Variants in ZDHHC13 observed in about 807,000 individuals in gnomAD.
ZDHHC13 encodes palmitoyltransferase ZDHHC13.
Under a neutral mutation model 86.0 loss-of-function variants are expected in ZDHHC13, and 85 were observed. The observed-to-expected ratio is 0.99, with a 90% CI of 0.83 to 1.18. The LOEUF is 1.18. ZDHHC13 is among the 50% of genes most tolerant of loss of function. The pLI, the probability that ZDHHC13 is intolerant of heterozygous loss-of-function variation, is 0.00. For missense variants in ZDHHC13, 711 were observed against 730.2 expected, an observed-to-expected ratio of 0.97 and a Z score of 0.30; for synonymous variants, 263 against 246.4, an observed-to-expected ratio of 1.07 and a Z score of -0.63.
chr11:19,163,957 G>A (rs1267671134), intron 11 of ZDHHC13, among the ~76,000 whole-genome samples: 1 of 152,094 alleles, frequency 6.6e-6, no homozygotes, highest in Non-Finnish European at 1.5e-5. Context: ...CAGTTTTGAT[G>A]TATACTGGTG....
upstream of ZDHHC13, chr11:19,117,130 C>A: frequency 9.0e-7 from 1 of 1,106,992 alleles, no homozygotes; most frequent in Non-Finnish European, 1.3e-6. This position sits in a 1 kb window ranked among gnomAD's most constrained non-coding sequence, Gnocchi z 4.2. Flanking sequence ...GCGGGGACCG[C>A]AGCGGCGGAG....
intron 2 of ZDHHC13, among the ~76,000 whole-genome samples, chr11:19,144,832 T>C (rs1413535097): frequency 6.6e-6 from 1 of 152,202 alleles, no homozygotes; most frequent in African/African-American, 2.4e-5. Flanking sequence ...ATATTGCTAA[T>C]AGGCCGGGTG....
chr11:19,142,263 ACAGTTCCTTGTTATGT>A (rs1590071633), intron 1 of ZDHHC13, among the ~76,000 whole-genome samples: 1 of 152,188 alleles, frequency 6.6e-6, no homozygotes, highest in African/African-American at 2.4e-5. Context: ...AAGACTGCCC[ACAGTTCCTTGTTATGT>A]GGCTCTCTCA....
chr11:19,164,899 C>G, intron 12 of ZDHHC13, 153 bp from the exon 13 acceptor site: 1 of 626,056 alleles, frequency 1.6e-6, no homozygotes, highest in Non-Finnish European at 2.8e-6. Context: ...GAAGTAAATA[C>G]TAATAAGGCA....
intron 10 of ZDHHC13, among the ~76,000 whole-genome samples, chr11:19,162,226 C>T (rs1016695804): frequency 1.3e-5 from 2 of 152,028 alleles, no homozygotes; most frequent in African/African-American, 4.8e-5. Context: ...AGCTACTGTG[C>T]AGATCTAAAG....
rs566587147 is a variant in ZDHHC13, at chr11:19,158,208, T to TA, written c.1008-730dup. Among the ~76,000 whole-genome samples, 289 of 152,296 alleles carry TA rather than the reference T, an allele frequency of 1.9e-3. 1 individual carries two copies. Among genetic ancestry groups the TA allele is most frequent in the African/African-American group, 6.6e-3 (276 of 41,576 alleles). Reference sequence around the variant, plus strand: ...TTTTTTAACCCTTCATACCTACTGTTAATCATTGTTTTTTCCTGGAATAAA... The same window carrying TA: ...TTTTTTAACCCTTCATACCTACTGTTAAATCATTGTTTTTTCCTGGAATAAA... On this transcript the variant is annotated intron_variant, in intron 9 of 16. Transcript: ENST00000446113.
intron 1 of ZDHHC13, among the ~76,000 whole-genome samples, chr11:19,139,692 G>T (rs540176040): frequency 0.02 from 2,944 of 150,858 alleles, 90 homozygotes; most frequent in African/African-American, 0.068. Flanking sequence ...AACCAAAACA[G>T]CATGGTACTG....
intron 4 of ZDHHC13, chr11:19,148,539 A>T (rs1849528140): frequency 2.0e-5 from 3 of 152,222 alleles, no homozygotes; most frequent in Admixed American, 1.3e-4. Context: ...TTTTAAAATG[A>T]CAGTGACATC....
At chr11:19,129,312 G>C (rs1377931774) in intron 1 of ZDHHC13, among the ~76,000 whole-genome samples, 1 of 152,250 alleles carries the variant, frequency 6.6e-6, no homozygotes, top group South Asian at 2.1e-4. Context: ...GTGATAATGA[G>C]CATATTTGCT....
chr11:19,145,414 A>G (rs1849433913), intron 2 of ZDHHC13, among the ~76,000 whole-genome samples: 1 of 152,174 alleles, frequency 6.6e-6, no homozygotes, highest in African/African-American at 2.4e-5. Context: ...ATCTTTCTTA[A>G]AACTCAAAGT....
intron 3 of ZDHHC13, 97 bp downstream of exon 3, chr11:19,146,400 T>G: frequency 7.3e-7 from 1 of 1,366,950 alleles, no homozygotes; most frequent in Non-Finnish European, 9.6e-7. Context: ...CCATGTGTAA[T>G]CCTCGTGTAA....
intron 1 of ZDHHC13, among the ~76,000 whole-genome samples, chr11:19,126,960 C>T (rs925020537): frequency 1.3e-5 from 2 of 152,074 alleles, no homozygotes; most frequent in Non-Finnish European, 2.9e-5. Context: ...ATTTATAGTC[C>T]TTTGGGTATA....
chr11:19,158,493 G>A (rs1256277175), intron 9 of ZDHHC13, among the ~76,000 whole-genome samples: 2 of 152,010 alleles, frequency 1.3e-5, no homozygotes, highest in Non-Finnish European at 2.9e-5. Context: ...GCATCAGTAT[G>A]CTTAACAAAT....
intron 10 of ZDHHC13, among the ~76,000 whole-genome samples, chr11:19,160,420 T>A (rs1360467761): frequency 6.6e-6 from 1 of 151,834 alleles, no homozygotes; most frequent in Non-Finnish European, 1.5e-5. Flanking sequence ...TTATAAGTAG[T>A]CATGAGTGCA....
At chr11:19,133,352 C>T (rs933420247) in intron 1 of ZDHHC13, among the ~76,000 whole-genome samples, 1 of 144,854 alleles carries the variant, frequency 6.9e-6, no homozygotes. Flanking sequence ...GAATTGTTTA[C>T]ATATATATAT....
chr11:19,146,611 C>T (rs1486859666), intron 3 of ZDHHC13, among the ~76,000 whole-genome samples: 4 of 152,016 alleles, frequency 2.6e-5, no homozygotes, highest in Non-Finnish European at 5.9e-5. Flanking sequence ...AATGGGAAGT[C>T]TCATCTAGTT....
At chr11:19,138,851 G>C (rs1177693521) in intron 1 of ZDHHC13, among the ~76,000 whole-genome samples, 39 of 151,430 alleles carry the variant, frequency 2.6e-4, no homozygotes, top group African/African-American at 6.3e-4. Context: ...AGGCCTTTGA[G>C]AAAATTCAAC....
At chr11:19,153,818 C>A (rs1159860549) in intron 8 of ZDHHC13, among the ~76,000 whole-genome samples, 2 of 152,080 alleles carry the variant, frequency 1.3e-5, no homozygotes, top group Admixed American at 1.3e-4. Context: ...AAGCCTTCCC[C>A]ATCTCAGTAG....
chr11:19,145,001 T>C (rs961405354), intron 2 of ZDHHC13, among the ~76,000 whole-genome samples: 2 of 151,850 alleles, frequency 1.3e-5, no homozygotes, highest in African/African-American at 4.8e-5. Flanking sequence ...CCCAGCTACC[T>C]GGGAGGCTGA....
Sources: allele counts gnomAD v4.1 joint callset (sites outside exome capture counted in the v4.1 genomes callset), GRCh38; gene constraint gnomAD v4.1.1; non-coding constraint Gnocchi (gnomAD v3.1); transcripts MANE v1.5; gene names NCBI Gene and HGNC (gene_info 2026-07-23, HGNC 2026-07-21).